The following ZNF765 variants were observed in gnomAD, a reference collection of about 807,000 sequenced individuals.
ZNF765 encodes the protein zinc finger protein 765.
In ZNF765, 37 loss-of-function variants were observed where a neutral mutation model predicts 44.7. The observed-to-expected ratio is 0.83, with a 90% CI of 0.64 to 1.09. The LOEUF (loss-of-function observed/expected upper bound fraction) is 1.09. Ranked by LOEUF, ZNF765 falls within the 50% of genes least tolerant of loss-of-function variation. The pLI, the probability that ZNF765 is intolerant of heterozygous loss-of-function variation, is 0.00. For synonymous variants in ZNF765, 201 were observed against 213.7 expected (o/e 0.94, Z 0.52); for missense variants, 594 against 626.1 (o/e 0.95, Z 0.55).
chr19:53,409,570 CA>C lies in ZNF765; in HGVS notation c.*446del. 1 of 1,391,926 alleles carries C rather than the reference CA, an allele frequency of 7.2e-7. No homozygotes were observed. The highest frequency in any genetic ancestry group is 1.7e-5 in the Admixed American group (1 of 58,322). 86.2% of individuals were successfully genotyped at this position (1,391,926 alleles called of 1,614,324 possible). ...AGAATTTGAGTTTTCCATTTCAAAT[CA>C]AACCTTGAAAGACAAAGGAGAATTC... On this transcript the variant is annotated 3_prime_UTR_variant, in exon 4 of 4. Transcript: ENST00000396408.
At chr19:53,417,354 C>T (rs2085881353) in intron 3 of ZNF765, among the ~76,000 whole-genome samples, 1 of 152,138 alleles carries the variant, frequency 6.6e-6, no homozygotes, top group Non-Finnish European at 1.5e-5. Flanking sequence ...CATTTACCTC[C>T]CTCTTATAAG....
intron 3 of ZNF765, among the ~76,000 whole-genome samples, chr19:53,420,314 G>C (rs1600067851): frequency 6.6e-6 from 1 of 152,140 alleles, no homozygotes; most frequent in South Asian, 2.1e-4. Flanking sequence ...CCTGGTGACA[G>C]AGCAAGTATC....
Position 53,406,569 on chromosome 19 carries a change from A to C in ZNF765, c.143-1129A>C, listed in dbSNP as rs146492944. ...TAATTAATTTTTATGATTGTACATG[A>C]GGCTTTTCGGTATGTGGTATGCAAT... On this transcript the variant is annotated intron_variant, in intron 3 of 3. Transcript: ENST00000396408. Among the ~76,000 whole-genome samples, 164 of 152,248 alleles carry C rather than the reference A, an allele frequency of 1.1e-3. 2 individuals carry two copies. The East Asian group carries it at 0.029, about 27-fold the overall frequency.
chr19:53,422,438 C>T (rs1317227954), intron 3 of ZNF765, among the ~76,000 whole-genome samples: 1 of 152,190 alleles, frequency 6.6e-6, no homozygotes, highest in Admixed American at 6.5e-5. Flanking sequence ...GTCTGTTCTT[C>T]ACAGCAAAGA....
intron 3 of ZNF765, among the ~76,000 whole-genome samples, chr19:53,406,000 A>G (rs1449743409): frequency 1.0e-5 from 1 of 98,864 alleles, no homozygotes; most frequent in East Asian, 2.5e-4. Flanking sequence ...GTGACATCAT[A>G]ATTGCACCCT....
chr19:53,425,905 C>T (rs2085936288), exon 4 of ZNF765: 1 of 152,346 alleles, frequency 6.6e-6, no homozygotes, highest in South Asian at 2.1e-4. Context: ...CGAAACCATC[C>T]TGGCCAACAT....
Position 53,408,619 on chromosome 19 carries a change from A to G in ZNF765, c.1064A>G (p.Tyr355Cys). Residue 355 changes from tyrosine (Y) to cysteine (C), a missense_variant, in exon 4 of 4, where the codon TAC becomes TGC. By Grantham distance (194) the Tyr-to-Cys change is radical (BLOSUM62 -2). Transcript: ENST00000396408. ...AGGCTTCATACTGGAGAGAAACCTT[A>G]CAAGTGTAATGAGTGTGGCAAGACC... ...HRRLHTGEKPYKCNECGKTFS... is the reference protein window; with the variant it reads ...HRRLHTGEKPCKCNECGKTFS... 2 of 1,614,132 alleles carry G rather than the reference A, an allele frequency of 1.2e-6. No homozygotes were observed. The highest frequency in any genetic ancestry group is 2.2e-5 in the East Asian group (1 of 44,870).
At chr19:53,405,649 C>T (rs867068528) in intron 3 of ZNF765, among the ~76,000 whole-genome samples, 1 of 149,584 alleles carries the variant, frequency 6.7e-6, no homozygotes, top group Non-Finnish European at 1.5e-5. Context: ...GTCCTATTCA[C>T]GAGTAGTCAA....
rs2085819821 is a variant in ZNF765, at chr19:53,410,126, A to AGCTTTC, written c.*999_*1000insGCTTTC. On this transcript the variant is annotated 3_prime_UTR_variant, in exon 4 of 4. Coordinates refer to ENST00000396408, the MANE Select transcript of ZNF765 (RefSeq NM_001040185.3). ...GAATGTGATGAAGCTTTCAGATTCA[A>AGCTTTC]ATCAAACCTTGATAGTCATAGAATT... The AGCTTTC allele has an allele frequency of 3.8e-5, 17 of 444,510 alleles. No individual in the cohort carries two copies. The highest frequency in any genetic ancestry group is 7.8e-5 in the Non-Finnish European group (17 of 217,914). 27.5% of individuals were successfully genotyped at this position (444,510 alleles called of 1,614,324 possible). A position where few individuals can be genotyped will look rare whatever the true frequency, so the allele number is the denominator to read the frequency against.
chr19:53,396,164 GAGT>G (rs2085667051), intron 1 of ZNF765, among the ~76,000 whole-genome samples: 2 of 151,530 alleles, frequency 1.3e-5, no homozygotes, highest in Non-Finnish European at 2.9e-5. Flanking sequence ...AGACAGAGCA[GAGT>G]GGTGCTGGTG....
At chr19:53,414,434 ACCACACAC>A (rs1392295462), downstream of ZNF765, among the ~76,000 whole-genome samples, 7 of 51,802 alleles carry the variant, frequency 1.4e-4, no homozygotes, top group Admixed American at 2.7e-4. Context: ...GACCCTCCCC[ACCACACAC>A]ACACACACAC....
chr19:53,418,101 T>A (rs2085885669), intron 3 of ZNF765, among the ~76,000 whole-genome samples: 1 of 152,180 alleles, frequency 6.6e-6, no homozygotes, highest in Non-Finnish European at 1.5e-5. Flanking sequence ...ATAAAAGTTT[T>A]AAAAATATAA....
At chr19:53,396,054 G>A (rs2085665747) in intron 1 of ZNF765, among the ~76,000 whole-genome samples, 1 of 151,986 alleles carries the variant, frequency 6.6e-6, no homozygotes, top group Non-Finnish European at 1.5e-5. Context: ...AAAGGTAGAT[G>A]TACAGAGAGA....
At chr19:53,421,472 G>A (rs180720776) in intron 3 of ZNF765, among the ~76,000 whole-genome samples, 1 of 152,032 alleles carries the variant, frequency 6.6e-6, no homozygotes, top group Non-Finnish European at 1.5e-5. Context: ...AGGTGTAGAG[G>A]GGCTGGCCCC....
At chr19:53,415,172 A>G (rs562564053), downstream of ZNF765, among the ~76,000 whole-genome samples, 38 of 152,198 alleles carry the variant, frequency 2.5e-4, no homozygotes, top group African/African-American at 8.4e-4. Flanking sequence ...CCAGAGGCTG[A>G]GGCAGGAGAA....
In ZNF765 at chr19:53,409,388, A is replaced by C; in HGVS notation, c.*261A>C. On this transcript the variant is annotated 3_prime_UTR_variant, in exon 4 of 4. Coordinates refer to ENST00000396408, the MANE Select transcript of ZNF765 (RefSeq NM_001040185.3). ...CCTTACAAATGTGAAGAATGTGAAG[A>C]AGCTTTCTGTTTCAAATCCAACCTT... is the stretch of plus-strand genomic sequence containing the variant. The C allele has an allele frequency of 1.2e-6, 1 of 842,104 alleles. No homozygotes were observed. Among genetic ancestry groups the C allele is most frequent in the Middle Eastern group, 2.2e-4 (1 of 4,464 alleles). 52.2% of individuals were successfully genotyped at this position (842,104 alleles called of 1,614,324 possible).
At chr19:53,400,106 C>G (rs2085708459) in intron 2 of ZNF765, among the ~76,000 whole-genome samples, 1 of 152,188 alleles carries the variant, frequency 6.6e-6, no homozygotes, top group Non-Finnish European at 1.5e-5. Context: ...GCCACCGCAT[C>G]TGGCCCCCAG....
intron 2 of ZNF765, among the ~76,000 whole-genome samples, chr19:53,398,277 T>C (rs533192546): frequency 2.4e-4 from 37 of 152,132 alleles, no homozygotes; most frequent in South Asian, 6.2e-4. Flanking sequence ...TGGATGGAGA[T>C]GGGGTGAGGG....
chr19:53,412,140 C>A, downstream of ZNF765: 2 of 322,374 alleles, frequency 6.2e-6, no homozygotes, highest in Non-Finnish European at 1.2e-5. Flanking sequence ...ATTTTCCCTA[C>A]TTGATTATTC....
Sources: gnomAD v4.1 joint callset for allele counts (sites outside exome capture counted in the v4.1 genomes callset) on GRCh38, gnomAD v4.1.1 for gene constraint, MANE v1.5 for transcripts, NCBI Gene and HGNC (gene_info 2026-07-23, HGNC 2026-07-21) for gene names.